PDE3A: variants seen among roughly 807,000 people sequenced by gnomAD.
PDE3A encodes the protein phosphodiesterase 3A.
A neutral mutation model predicts 98.3 loss-of-function variants in PDE3A; 43 were observed. The ratio of observed to expected loss-of-function variants is 0.44; its 90% CI spans 0.34 to 0.56. The LOEUF is 0.56. Among genes scored for constraint, PDE3A ranks in the 20% least tolerant of loss-of-function variants. PDE3A has a pLI of 0.01. For missense variants in PDE3A, 1,427 were observed against 1,440.7 expected, an observed-to-expected ratio of 0.99 and a Z score of 0.15; for synonymous variants, 663 against 567.9, an observed-to-expected ratio of 1.17 and a Z score of -2.38.
intron 15 of PDE3A, among the ~76,000 whole-genome samples, chr12:20,656,558 T>C (rs1258037332): frequency 6.6e-6 from 1 of 152,224 alleles, no homozygotes; most frequent in East Asian, 1.9e-4. Context: ...GTACTAATCT[T>C]GAGATTCAGA....
At chr12:20,426,125 T>A (rs891780191) in intron 1 of PDE3A, among the ~76,000 whole-genome samples, 7 of 152,106 alleles carry the variant, frequency 4.6e-5, no homozygotes, top group Non-Finnish European at 8.8e-5. Context: ...TTGAGGAAAA[T>A]TTTAAGCAAT....
intron 15 of PDE3A, among the ~76,000 whole-genome samples, chr12:20,672,209 A>G (rs1334389082): frequency 2.7e-5 from 4 of 148,592 alleles, no homozygotes; most frequent in Admixed American, 6.7e-5. Context: ...GATAAAAACA[A>G]ATGGAAGAAC....
intron 8 of PDE3A, among the ~76,000 whole-genome samples, chr12:20,635,688 G>C (rs1413339710): frequency 4.6e-5 from 7 of 150,804 alleles, no homozygotes; most frequent in Admixed American, 2.6e-4. Context: ...AGGAGGCGGA[G>C]GTTGCAGTGA....
intron 2 of PDE3A, among the ~76,000 whole-genome samples, chr12:20,566,355 G>A (rs1942655324): frequency 1.3e-5 from 2 of 151,900 alleles, no homozygotes; most frequent in Non-Finnish European, 2.9e-5. Flanking sequence ...GAGTTCTGTG[G>A]TGTTGTGTTT....
intron 1 of PDE3A, chr12:20,450,028 A>G: frequency 1.5e-6 from 1 of 664,630 alleles, no homozygotes; most frequent in Non-Finnish European, 2.8e-6. Context: ...GAAGTTACGG[A>G]AGTTTTTCAT....
chr12:20,389,895 C>A (rs1943882172), intron 1 of PDE3A, among the ~76,000 whole-genome samples: 2 of 151,534 alleles, frequency 1.3e-5, no homozygotes, highest in South Asian at 4.2e-4. Flanking sequence ...TAGTAGTAGG[C>A]TGACTATAAT....
rs199764128 is a variant in PDE3A at position 20,513,010 on chromosome 12, A to C, written c.961-43650A>C. ...TGTATTTTGTTCTTTTTGCAGAATT[A>C]AGTAAACAGAATTATTTCTGCTTTG... On this transcript the variant is annotated intron_variant, in intron 1 of 15. Transcript: ENST00000359062. Among the ~76,000 whole-genome samples the C allele has an allele frequency of 2.6e-5, 4 of 152,188 alleles. No individual in the cohort carries two copies. In the East Asian group the frequency reaches 7.7e-4, roughly 29 times the overall value.
intron 2 of PDE3A, among the ~76,000 whole-genome samples, chr12:20,564,587 A>G (rs1246867550): frequency 6.6e-6 from 1 of 152,016 alleles, no homozygotes; most frequent in Non-Finnish European, 1.5e-5. Context: ...AGGAGGAAAG[A>G]GAGTTTGGCT....
intron 1 of PDE3A, among the ~76,000 whole-genome samples, chr12:20,487,439 A>G (rs558955376): frequency 6.8e-6 from 1 of 147,856 alleles, no homozygotes; most frequent in Admixed American, 6.9e-5. Context: ...TGAGATAGGC[A>G]GATCACTTGA....
Position 20,684,183 on chromosome 12 carries a change from AC to A in PDE3A, c.*3913del, listed in dbSNP as rs1316582374. 1.3e-5 allele frequency: 2 copies of A among 152,152 alleles called. No homozygotes were observed. Among genetic ancestry groups the A allele is most frequent in the African/African-American group, 4.8e-5 (2 of 41,438 alleles). 9.4% of individuals were successfully genotyped at this position (152,152 alleles called of 1,614,324 possible). ...ATAATCTAAAAATCATTTATATTCT[AC>A]TGTGGGAGGTATTCTTGGTGCTTCC... On this transcript the variant is annotated 3_prime_UTR_variant, in exon 16 of 16. Transcript: ENST00000359062.
At chr12:20,404,566 T>C (rs753459348) in intron 1 of PDE3A, among the ~76,000 whole-genome samples, 3 of 152,182 alleles carry the variant, frequency 2.0e-5, no homozygotes, top group Non-Finnish European at 4.4e-5. Flanking sequence ...TTTAAACTTT[T>C]TTATTGATTT....
At chr12:20,610,035 A>T (rs11045328) in intron 2 of PDE3A, among the ~76,000 whole-genome samples, 5,137 of 152,084 alleles carry the variant, frequency 0.034, 243 homozygotes, top group African/African-American at 0.11. Flanking sequence ...AAAGAGAAAA[A>T]ATAAGTAAAT....
chr12:20,418,617 G>T (rs898705975), intron 1 of PDE3A, among the ~76,000 whole-genome samples: 1 of 152,048 alleles, frequency 6.6e-6, no homozygotes, highest in Admixed American at 6.6e-5. Context: ...GTTTATTGCC[G>T]ATTTCTCTCT....
chr12:20,570,671 AT>A (rs1343222626), intron 2 of PDE3A, among the ~76,000 whole-genome samples: 1 of 152,132 alleles, frequency 6.6e-6, no homozygotes, highest in African/African-American at 2.4e-5. Flanking sequence ...GTAAGCATTC[AT>A]TTTTTTGTTT....
intron 1 of PDE3A, among the ~76,000 whole-genome samples, chr12:20,386,184 A>T (rs1418772735): frequency 3.2e-5 from 3 of 94,528 alleles, no homozygotes; most frequent in African/African-American, 8.7e-5. Flanking sequence ...AATATATATA[A>T]ATATATATAA....
At chr12:20,422,925 C>A (rs188445037) in intron 1 of PDE3A, among the ~76,000 whole-genome samples, 55 of 152,176 alleles carry the variant, frequency 3.6e-4, no homozygotes, top group African/African-American at 1.2e-3. Flanking sequence ...ATACTGACAT[C>A]TTTATCTAAT....
rs189380748 is a variant in PDE3A at position 20,685,347 on chromosome 12, T to A, written c.*5076T>A. Among the ~76,000 whole-genome samples the A allele has an allele frequency of 7.0e-6, 1 of 142,784 alleles. No individual in the cohort carries two copies. The highest frequency in any genetic ancestry group is 7.4e-5 in the Admixed American group (1 of 13,496). 93.7% of individuals were successfully genotyped at this position (142,784 alleles called of 152,430 possible). A position where few individuals can be genotyped will look rare whatever the true frequency, so the allele number is the denominator to read the frequency against. On this transcript the variant is annotated 3_prime_UTR_variant, in exon 16 of 16. Transcript: ENST00000359062. ...TCGCTTGAACCTGGGAGGCAGAGGT[T>A]ATGGTGAGCTGAGATTGCACCATTG...
intron 1 of PDE3A, among the ~76,000 whole-genome samples, chr12:20,447,985 T>C (rs899261404): frequency 1.3e-5 from 2 of 152,168 alleles, no homozygotes; most frequent in African/African-American, 2.4e-5. Context: ...TTGAGTGATG[T>C]GTGAGAGTAG....
chr12:20,676,058 T>TTCTC (rs370100368), intron 15 of PDE3A, among the ~76,000 whole-genome samples: 2 of 150,298 alleles, frequency 1.3e-5, no homozygotes, highest in African/African-American at 2.4e-5. Context: ...TTTTGTTCCT[T>TTCTC]TCTCTCTCTC....
Sources: allele counts gnomAD v4.1 joint callset (sites outside exome capture counted in the v4.1 genomes callset), GRCh38; gene constraint gnomAD v4.1.1; transcripts MANE v1.5; gene names NCBI Gene and HGNC (gene_info 2026-07-23, HGNC 2026-07-21).